Variants in SCAI observed in about 807,000 individuals in gnomAD.
The protein encoded by SCAI is protein SCAI.
Under a neutral mutation model 92.2 loss-of-function variants are expected in SCAI, and 24 were observed. The observed-to-expected ratio is 0.26, with a 90% CI of 0.19 to 0.37. SCAI has a LOEUF of 0.37. Among genes scored for constraint, SCAI ranks in the 10% least tolerant of loss-of-function variants. SCAI has a pLI of 1.00. For synonymous variants in SCAI, 261 were observed against 258.6 expected (o/e 1.01, Z -0.09); for missense variants, 450 against 736.2 (o/e 0.61, Z 4.50).
chr9:124,969,041 C>A (rs901367509), intron 17 of SCAI, among the ~76,000 whole-genome samples: 2 of 151,966 alleles, frequency 1.3e-5, no homozygotes, highest in African/African-American at 4.8e-5. Context: ...CCCCTGGGCT[C>A]AAGCAATTCT....
chr9:125,123,936 T>G (rs1025577560), intron 2 of SCAI, among the ~76,000 whole-genome samples: 3 of 152,168 alleles, frequency 2.0e-5, no homozygotes, highest in Non-Finnish European at 4.4e-5. Context: ...GGAGAATATA[T>G]GGAGAGAGAA....
intron 9 of SCAI, among the ~76,000 whole-genome samples, chr9:125,017,003 G>C (rs1393303372): frequency 6.6e-6 from 1 of 152,104 alleles, no homozygotes; most frequent in Non-Finnish European, 1.5e-5. Flanking sequence ...TATCAGAAGA[G>C]AGTAAAAGGC....
intron 14 of SCAI, among the ~76,000 whole-genome samples, chr9:124,992,649 G>C (rs1832152789): frequency 6.6e-6 from 1 of 152,090 alleles, no homozygotes; most frequent in African/African-American, 2.4e-5. Context: ...CTCCCAAAGT[G>C]CTGGGATTAC....
chr9:125,014,098 C>T (rs1020245490), intron 9 of SCAI, among the ~76,000 whole-genome samples: 11 of 152,138 alleles, frequency 7.2e-5, no homozygotes, highest in Non-Finnish European at 1.5e-4. Flanking sequence ...AAACTGGAAG[C>T]ATTCCCTTTG....
chr9:125,027,364 C>T (rs114687664), intron 5 of SCAI, among the ~76,000 whole-genome samples: 163 of 152,224 alleles, frequency 1.1e-3, no homozygotes, highest in African/African-American at 3.8e-3. Flanking sequence ...TTTAAGAAAA[C>T]ATTTCTACCT....
chr9:125,018,608 T>C (rs1832809669), intron 9 of SCAI, among the ~76,000 whole-genome samples, 191 bp downstream of exon 9: 1 of 152,204 alleles, frequency 6.6e-6, no homozygotes, highest in African/African-American at 2.4e-5. Flanking sequence ...AGTATCTTTC[T>C]ATGTTATTAA....
chr9:125,012,741 ACAC>A (rs1438014946), intron 9 of SCAI, among the ~76,000 whole-genome samples: 3 of 152,286 alleles, frequency 2.0e-5, no homozygotes, highest in African/African-American at 7.2e-5. Flanking sequence ...TTTCAGCACC[ACAC>A]CACACCTATT....
At chr9:125,034,572 C>A (rs1218302164) in intron 3 of SCAI, among the ~76,000 whole-genome samples, 1 of 151,944 alleles carries the variant, frequency 6.6e-6, no homozygotes, top group Admixed American at 6.6e-5. Flanking sequence ...ACAGTCTCTA[C>A]AAACAAAAAT....
At chr9:124,957,141 G>A (rs1035188839) in intron 17 of SCAI, among the ~76,000 whole-genome samples, 2 of 151,908 alleles carry the variant, frequency 1.3e-5, no homozygotes, top group African/African-American at 4.8e-5. Context: ...ATGGGCATGT[G>A]CCACCACAGC....
At chr9:125,077,501 A>G (rs917383669) in intron 2 of SCAI, among the ~76,000 whole-genome samples, 1 of 152,190 alleles carries the variant, frequency 6.6e-6, no homozygotes, top group African/African-American at 2.4e-5. Flanking sequence ...ACAACTCTAT[A>G]TTAACCCTGT....
chr9:125,013,357 G>C (rs1382019254), intron 9 of SCAI, among the ~76,000 whole-genome samples: 1 of 152,040 alleles, frequency 6.6e-6, no homozygotes, highest in African/African-American at 2.4e-5. Flanking sequence ...TATCACCACC[G>C]ATCCCACAGA....
chr9:125,009,792 C>G (rs150815154), intron 9 of SCAI, among the ~76,000 whole-genome samples: 2 of 151,980 alleles, frequency 1.3e-5, no homozygotes, highest in Admixed American at 1.3e-4. Context: ...ACTCAGGAGG[C>G]TGAGGCAGGA....
intron 3 of SCAI, among the ~76,000 whole-genome samples, chr9:125,054,257 G>C (rs562626294): frequency 6.6e-6 from 1 of 152,170 alleles, no homozygotes. Context: ...TTATGGGCGT[G>C]AGCCACTGCG....
At chr9:125,105,044 T>C (rs1435955708) in intron 2 of SCAI, among the ~76,000 whole-genome samples, 4 of 152,138 alleles carry the variant, frequency 2.6e-5, no homozygotes, top group Non-Finnish European at 5.9e-5. Flanking sequence ...AGTTTTTCAC[T>C]TCTGCTGACA....
intron 5 of SCAI, 82 bp from the exon 6 acceptor site, chr9:125,026,992 A>T: frequency 5.7e-6 from 4 of 696,732 alleles, no homozygotes; most frequent in Non-Finnish European, 9.3e-6. Flanking sequence ...ATACCGCTGT[A>T]TTCCTCTGTG....
chr9:124,968,776 C>T (rs1182341639), intron 17 of SCAI: 8 of 912,552 alleles, frequency 8.8e-6, no homozygotes, highest in Admixed American at 5.5e-5. Context: ...TGGTGGGGTG[C>T]GCAGGCCACG....
intron 3 of SCAI, among the ~76,000 whole-genome samples, chr9:125,042,369 T>C (rs1833332465): frequency 6.6e-6 from 1 of 152,034 alleles, no homozygotes; most frequent in African/African-American, 2.4e-5. Context: ...AGGAAATCTC[T>C]GTAAATTTCC....
intron 4 of SCAI, among the ~76,000 whole-genome samples, chr9:125,028,879 C>A (rs536845573): frequency 6.6e-6 from 1 of 152,080 alleles, no homozygotes; most frequent in Non-Finnish European, 1.5e-5. Flanking sequence ...CTCACTGCAA[C>A]CTCCGCCTCT....
Position 124,948,988 on chromosome 9 carries a change from ACTGT to A in SCAI, c.*3815_*3818del, listed in dbSNP as rs1831194754. The stretch of plus-strand genomic sequence containing the variant: ...ATCATCAGCTCAAGCCCATTGGGCA[ACTGT>A]CCTTTTAGATAATTCTTCTCCCTTG... On this transcript the variant is annotated 3_prime_UTR_variant, in exon 18 of 18. Transcript: ENST00000336505. 6.6e-6 allele frequency: 1 copy of A among 152,278 alleles called. No homozygotes were observed. Among genetic ancestry groups the A allele is most frequent in the Non-Finnish European group, 1.5e-5 (1 of 68,044 alleles). 9.4% of individuals were successfully genotyped at this position (152,278 alleles called of 1,614,324 possible).
Sources: gnomAD v4.1 joint callset for allele counts (sites outside exome capture counted in the v4.1 genomes callset) on GRCh38, gnomAD v4.1.1 for gene constraint, MANE v1.5 for transcripts, NCBI Gene and HGNC (gene_info 2026-07-23, HGNC 2026-07-21) for gene names.